Variants in ARMC2 observed in about 807,000 individuals in gnomAD.
ARMC2 encodes armadillo repeat-containing protein 2.
Under a neutral mutation model 90.3 loss-of-function variants are expected in ARMC2, and 67 were observed. The observed-to-expected ratio is 0.74, with a 90% CI of 0.61 to 0.91. The LOEUF is 0.91. Among genes scored for constraint, ARMC2 ranks in the 40% least tolerant of loss-of-function variants. ARMC2 has a pLI of 0.00. For missense variants in ARMC2, 920 were observed against 1,030.9 expected (o/e 0.89, Z 1.47); for synonymous variants, 393 against 393.0 (o/e 1.00, Z 0.00).
At chr6:108,883,254 C>G (rs1007161412) in intron 5 of ARMC2, among the ~76,000 whole-genome samples, 2 of 152,192 alleles carry the variant, frequency 1.3e-5, no homozygotes, top group African/African-American at 2.4e-5. Context: ...TCCAGTTGTA[C>G]AGAAGCAACA....
chr6:108,959,562 G>A (rs1777838390), intron 13 of ARMC2: 1 of 152,280 alleles, frequency 6.6e-6, no homozygotes, highest in Non-Finnish European at 1.5e-5. Context: ...CCCAACAGTG[G>A]GTGGACTTGT....
chr6:108,863,747 A>G (rs1036707701), intron 3 of ARMC2, among the ~76,000 whole-genome samples: 7 of 152,208 alleles, frequency 4.6e-5, no homozygotes, highest in Admixed American at 6.5e-5. Context: ...CTTTTTATTG[A>G]CACAGAAGAA....
intron 11 of ARMC2, among the ~76,000 whole-genome samples, chr6:108,929,816 C>T (rs1205437399): frequency 6.6e-6 from 1 of 152,036 alleles, no homozygotes; most frequent in East Asian, 1.9e-4. Context: ...CCTTTAAGAT[C>T]CAAACTCTTG....
intron 10 of ARMC2, among the ~76,000 whole-genome samples, chr6:108,915,930 A>G (rs1773920170): frequency 6.6e-6 from 1 of 152,216 alleles, no homozygotes. Flanking sequence ...TCCGTGATAC[A>G]TGACAGATTG....
the ARMC2 span, among the ~76,000 whole-genome samples, chr6:109,014,247 G>A: frequency 6.6e-6 from 1 of 152,096 alleles, no homozygotes; most frequent in South Asian, 2.1e-4. Flanking sequence ...AAATCAATGT[G>A]TTAAATAACG....
chr6:108,984,648 T>TAA, the ARMC2 span, among the ~76,000 whole-genome samples: 1 of 152,244 alleles, frequency 6.6e-6, no homozygotes, highest in African/African-American at 2.4e-5. Context: ...GGTTTATTCC[T>TAA]AAGTATTTTA....
the ARMC2 span, among the ~76,000 whole-genome samples, chr6:109,016,390 C>A: frequency 6.6e-6 from 1 of 152,142 alleles, no homozygotes; most frequent in South Asian, 2.1e-4. Flanking sequence ...CTACTCAGTT[C>A]CTTTTTGATA....
chr6:108,965,195 T>C, intron 17 of ARMC2, 55 bp downstream of exon 17: 1 of 1,491,422 alleles, frequency 6.7e-7, no homozygotes, highest in South Asian at 1.2e-5. Flanking sequence ...TGAGATAGTT[T>C]TTTTCTGTGA....
At chr6:108,863,685 T>C (rs1311074308) in intron 3 of ARMC2, among the ~76,000 whole-genome samples, 1 of 152,210 alleles carries the variant, frequency 6.6e-6, no homozygotes, top group Non-Finnish European at 1.5e-5. Context: ...ATTTTCTTGG[T>C]TTCCTAAACT....
At chr6:109,001,184 A>G in the ARMC2 span, 17 of 926,254 alleles carry the variant, frequency 1.8e-5, no homozygotes, top group South Asian at 2.8e-4. Context: ...ATCATATTAT[A>G]TATCATAATC....
At chr6:108,956,473 G>T (rs1777593104) in intron 13 of ARMC2, among the ~76,000 whole-genome samples, 1 of 151,426 alleles carries the variant, frequency 6.6e-6, no homozygotes, top group South Asian at 2.1e-4. Context: ...AAGGCAGGCA[G>T]ATTGCTTGAG....
chr6:108,912,609 G>T, intron 10 of ARMC2, 51 bp downstream of exon 10: 1 of 1,485,640 alleles, frequency 6.7e-7, no homozygotes, highest in Non-Finnish European at 9.3e-7. Flanking sequence ...TTTTCACATT[G>T]CCTAATGCCA....
chr6:109,018,625 T>G, the ARMC2 span, among the ~76,000 whole-genome samples: 1 of 152,212 alleles, frequency 6.6e-6, no homozygotes. Flanking sequence ...TATTGTACAT[T>G]TTGGTGCTTA....
chr6:108,888,553 A>G (rs1770615238), intron 5 of ARMC2, among the ~76,000 whole-genome samples: 1 of 152,236 alleles, frequency 6.6e-6, no homozygotes, highest in South Asian at 2.1e-4. Context: ...ACGAAGACCA[A>G]TGAGCAGAAT....
chr6:109,040,962 T>A, the ARMC2 span, among the ~76,000 whole-genome samples: 148 of 151,480 alleles, frequency 9.8e-4, 1 homozygote, highest in African/African-American at 3.3e-3. Context: ...CAAACTAGCA[T>A]AAATTTTTAA....
At chr6:108,912,940 T>A (rs1562382323) in intron 10 of ARMC2, among the ~76,000 whole-genome samples, 2 of 152,188 alleles carry the variant, frequency 1.3e-5, no homozygotes, top group Non-Finnish European at 2.9e-5. Context: ...TGGTAGCTAA[T>A]GTCATTACTC....
chr6:108,904,441 T>TAAAAG, intron 8 of ARMC2, 36 bp downstream of exon 8: 1 of 1,524,276 alleles, frequency 6.6e-7, no homozygotes, highest in Non-Finnish European at 8.9e-7. Context: ...GTAGACTATA[T>TAAAAG]CACATAAAAG....
chr6:109,048,145 T>A, the ARMC2 span, among the ~76,000 whole-genome samples: 1 of 152,084 alleles, frequency 6.6e-6, no homozygotes, highest in Non-Finnish European at 1.5e-5. Context: ...GCTGTCAACA[T>A]TCACTGAAAC....
intron 10 of ARMC2, among the ~76,000 whole-genome samples, chr6:108,918,929 C>T (rs1000807670): frequency 2.0e-5 from 3 of 152,198 alleles, no homozygotes; most frequent in Non-Finnish European, 4.4e-5. Flanking sequence ...AATGTAATCA[C>T]AAGAAATTAA....
Sources: gnomAD v4.1 joint callset for allele counts (sites outside exome capture counted in the v4.1 genomes callset) on GRCh38, gnomAD v4.1.1 for gene constraint, MANE v1.5 for transcripts, NCBI Gene and HGNC (gene_info 2026-07-23, HGNC 2026-07-21) for gene names.